The following DERA variants were observed in gnomAD, a reference collection of about 807,000 sequenced individuals.
DERA encodes 2-deoxy-D-ribose 5-phosphate aldolase.
A neutral mutation model predicts 41.1 loss-of-function variants in DERA; 15 were observed. The observed-to-expected ratio is 0.37, with a 90% confidence interval of 0.24 to 0.56. DERA has a LOEUF of 0.56. DERA is among the 20% of genes least tolerant of loss of function. The pLI, the probability that DERA is intolerant of heterozygous loss-of-function variation, is 0.81. For missense variants in DERA, 396 were observed against 403.4 expected, an observed-to-expected ratio of 0.98 and a Z score of 0.16; for synonymous variants, 139 against 137.4, an observed-to-expected ratio of 1.01 and a Z score of -0.08.
rs1670872264 is a variant in DERA at position 15,913,039 on chromosome 12, G to A, written c.31+1625G>A. ...CAGGTTTGGGGTGGTGTCTTACCTGGGTATTCCCAGGAATATGACCATGTG... is the reference window on the plus strand; with the variant it reads ...CAGGTTTGGGGTGGTGTCTTACCTGAGTATTCCCAGGAATATGACCATGTG... On this transcript the variant is annotated intron_variant, in intron 1 of 8. Transcript: ENST00000428559. This position sits in a 1 kb window ranked among gnomAD's most constrained non-coding sequence, Gnocchi z 4.5. Among the ~76,000 whole-genome samples the A allele has an allele frequency of 6.6e-6, 1 of 152,090 alleles. No individual in the cohort carries two copies. Among genetic ancestry groups the A allele is most frequent in the Admixed American group, 6.6e-5 (1 of 15,266 alleles).
intron 1 of DERA, among the ~76,000 whole-genome samples, chr12:15,912,491 G>C (rs756673605): frequency 6.6e-6 from 1 of 152,170 alleles, no homozygotes; most frequent in East Asian, 1.9e-4. Flanking sequence ...GTGTATCCAG[G>C]ATCTTTAACT....
At chr12:15,926,884 T>C (rs533259961) in intron 1 of DERA, among the ~76,000 whole-genome samples, 79 of 152,334 alleles carry the variant, frequency 5.2e-4, no homozygotes, top group African/African-American at 1.7e-3. Context: ...ACCCGTTATA[T>C]GTAACGAATT....
Position 15,970,780 on chromosome 12 carries a change from A to G in DERA, c.508+7833A>G, listed in dbSNP as rs2136154713. ...TTCCATGTTGTTTTCAGAGGTTGACACCAAACTACCAAGTAGATATTTATC... is the reference window on the plus strand; with the variant it reads ...TTCCATGTTGTTTTCAGAGGTTGACGCCAAACTACCAAGTAGATATTTATC... On this transcript the variant is annotated intron_variant, in intron 5 of 8. Coordinates refer to ENST00000428559, the MANE Select transcript of DERA (RefSeq NM_015954.4). The surrounding 1 kb of genome is among the most constrained non-coding windows in gnomAD (Gnocchi z 4.3). Among the ~76,000 whole-genome samples, 1 of 152,342 alleles carries G rather than the reference A, an allele frequency of 6.6e-6. No homozygotes were observed. The highest frequency in any genetic ancestry group is 2.1e-4 in the South Asian group (1 of 4,828).
At chr12:15,948,700 G>A (rs907501761) in intron 1 of DERA, among the ~76,000 whole-genome samples, 12 of 152,144 alleles carry the variant, frequency 7.9e-5, no homozygotes, top group Admixed American at 1.3e-4. Flanking sequence ...CTCTCAACTC[G>A]TCAAAGTCAT....
At chr12:15,977,509 A>T (rs954656143) in intron 5 of DERA, among the ~76,000 whole-genome samples, 1 of 152,200 alleles carries the variant, frequency 6.6e-6, no homozygotes, top group African/African-American at 2.4e-5. Context: ...CTGGAGTGCA[A>T]TGGCGCAATC....
At chr12:15,947,909 G>A (rs923820466) in intron 1 of DERA, among the ~76,000 whole-genome samples, 2 of 152,186 alleles carry the variant, frequency 1.3e-5, no homozygotes, top group African/African-American at 4.8e-5. Context: ...GCCTGGTGGT[G>A]AGAAAATCTC....
intron 6 of DERA, among the ~76,000 whole-genome samples, chr12:16,002,042 G>T (rs1467514057): frequency 1.3e-5 from 2 of 151,882 alleles, no homozygotes; most frequent in African/African-American, 4.8e-5. Flanking sequence ...GTGCAGGTTA[G>T]TTACATATGT....
At chr12:15,934,979 G>C (rs1179742072) in intron 1 of DERA, among the ~76,000 whole-genome samples, 2 of 152,164 alleles carry the variant, frequency 1.3e-5, no homozygotes, top group Non-Finnish European at 2.9e-5. Context: ...TAAAGCTGCT[G>C]TTCCTCCCAG....
chr12:15,929,397 C>G (rs1948311172), intron 1 of DERA, among the ~76,000 whole-genome samples: 1 of 152,134 alleles, frequency 6.6e-6, no homozygotes, highest in Non-Finnish European at 1.5e-5. Context: ...CCCTCTAATT[C>G]GGTTTTGAAC....
chr12:15,927,805 T>A (rs1948298503), intron 1 of DERA, among the ~76,000 whole-genome samples: 2 of 152,198 alleles, frequency 1.3e-5, no homozygotes, highest in Non-Finnish European at 2.9e-5. Flanking sequence ...GCTAATTATC[T>A]GTCTTTTTTA....
rs549079063 is a variant in DERA, at chr12:15,936,935, CTT to C, written c.32-20000_32-19999del. The stretch of plus-strand genomic sequence containing the variant: ...CCTGTCCTGTCCTGTCCTGTCCTGT[CTT>C]GTCCTGTCCCGTCCTGTCCTGCCCT... On this transcript the variant is annotated intron_variant, in intron 1 of 8. Transcript: ENST00000428559. This position sits in a 1 kb window ranked among gnomAD's most constrained non-coding sequence, Gnocchi z 4.6. 0.035 allele frequency among the ~76,000 whole-genome samples: 4,716 copies of C among 135,136 alleles called. 145 individuals carry two copies. Among genetic ancestry groups the C allele is most frequent in the African/African-American group, 0.089 (2,931 of 32,802 alleles). 88.7% of individuals were successfully genotyped at this position (135,136 alleles called of 152,430 possible).
At chr12:15,968,440 G>T (rs1172483887) in intron 5 of DERA, among the ~76,000 whole-genome samples, 1 of 152,194 alleles carries the variant, frequency 6.6e-6, no homozygotes, top group Non-Finnish European at 1.5e-5. Context: ...CTCTGATAAA[G>T]ATAGCATCCA....
chr12:15,987,187 G>A (rs1299463712), intron 6 of DERA, among the ~76,000 whole-genome samples: 2 of 123,844 alleles, frequency 1.6e-5, no homozygotes, highest in East Asian at 2.4e-4. Flanking sequence ...GGAGGTTGAT[G>A]TTTTCTAACA....
chr12:15,952,858 T>C (rs1352561191), intron 1 of DERA, among the ~76,000 whole-genome samples: 1 of 152,236 alleles, frequency 6.6e-6, no homozygotes, highest in East Asian at 1.9e-4. Context: ...CAGTCACATT[T>C]AGCCAACCTG....
rs1238513918 is a variant in DERA, at chr12:15,999,679, T to A, written c.637+17243T>A. Among the ~76,000 whole-genome samples the A allele has an allele frequency of 2.0e-5, 3 of 151,968 alleles. No homozygotes were observed. Among genetic ancestry groups the A allele is most frequent in the African/African-American group, 7.3e-5 (3 of 41,350 alleles). On this transcript the variant is annotated intron_variant, in intron 6 of 8. Transcript: ENST00000428559. The surrounding 1 kb of genome is among the most constrained non-coding windows in gnomAD (Gnocchi z 5.3). ...GATGAAGCTAGTAAATAGCTTGGAG[T>A]TTAAGGCCATGCTAAGGAATTGAAG...
intron 1 of DERA, among the ~76,000 whole-genome samples, chr12:15,926,719 A>T (rs1948288187): frequency 6.8e-6 from 1 of 147,950 alleles, no homozygotes; most frequent in Admixed American, 6.8e-5. Context: ...CTGGGGCGAC[A>T]GAGCGAGACT....
rs550629933 is a variant in DERA at position 15,982,562 on chromosome 12, C to T, written c.637+126C>T. The T allele has an allele frequency of 2.0e-5, 20 of 1,012,390 alleles. No homozygotes were observed. Among genetic ancestry groups the T allele is most frequent in the African/African-American group, 1.1e-4 (7 of 61,694 alleles). 62.7% of individuals were successfully genotyped at this position (1,012,390 alleles called of 1,614,324 possible). ...CTTGGAATTTTTTTGCGGGAGGAAT[C>T]GGATATTTTGTAAAAACATGTTCAA... On this transcript the variant is annotated intron_variant, in intron 6 of 8. Transcript: ENST00000428559. This position sits in a 1 kb window ranked among gnomAD's most constrained non-coding sequence, Gnocchi z 4.0.
At chr12:15,953,608 G>T (rs1948515321) in intron 1 of DERA, among the ~76,000 whole-genome samples, 1 of 152,088 alleles carries the variant, frequency 6.6e-6, no homozygotes, top group African/African-American at 2.4e-5. Flanking sequence ...TTCCAATTAT[G>T]GTTTCATATC....
At position 15,943,219 on chromosome 12, in the gene DERA, G is replaced by T. The variant is rs1276982877; in HGVS notation, c.32-13717G>T. Among the ~76,000 whole-genome samples, 1 of 152,204 alleles carries T rather than the reference G, an allele frequency of 6.6e-6. No individual in the cohort carries two copies. The highest frequency in any genetic ancestry group is 1.5e-5 in the Non-Finnish European group (1 of 68,024). ...ATCTTTGACTTTTCACTCTCCAGGT[G>T]AGAATAACAGCACCAGAGATTGAGT... On this transcript the variant is annotated intron_variant, in intron 1 of 8. Transcript: ENST00000428559. The surrounding 1 kb of genome is among the most constrained non-coding windows in gnomAD (Gnocchi z 4.5).
Sources: allele counts gnomAD v4.1 joint callset (sites outside exome capture counted in the v4.1 genomes callset), GRCh38; gene constraint gnomAD v4.1.1; non-coding constraint Gnocchi (gnomAD v3.1); transcripts MANE v1.5; gene names NCBI Gene and HGNC (gene_info 2026-07-23, HGNC 2026-07-21).